Variants in APC observed in about 807,000 individuals in gnomAD.
APC encodes the protein adenomatous polyposis coli protein.
APC carries 72 observed loss-of-function variants against 247.0 expected under a neutral mutation model. That is an observed-to-expected ratio of 0.29 (90% CI 0.24 to 0.35). The LOEUF (loss-of-function observed/expected upper bound fraction) is 0.35, where lower values mean the gene tolerates loss of function less well. Among genes scored for constraint, APC ranks in the 10% least tolerant of loss-of-function variants. APC has a pLI of 1.00. For synonymous variants in APC, 1,254 were observed against 1,162.5 expected (o/e 1.08, Z -1.60); for missense variants, 3,400 against 3,360.7 (o/e 1.01, Z -0.29).
intron 6 of APC, among the ~76,000 whole-genome samples, chr5:112,787,214 A>G (rs920336004): frequency 6.6e-6 from 1 of 152,220 alleles, no homozygotes; most frequent in Non-Finnish European, 1.5e-5. Flanking sequence ...ACAAGAAAGC[A>G]ACCATAGATA....
In APC at chr5:112,842,533, C is replaced by T. The variant is rs1766337609; in HGVS notation, c.6939C>T (p.Ala2313=). The T allele has an allele frequency of 6.2e-7, 1 of 1,614,056 alleles. No homozygotes were observed. The highest frequency in any genetic ancestry group is 8.5e-7 in the Non-Finnish European group (1 of 1,179,976). ...GSRDSTPSRP[A]QQPLSRPIQS... is the part of the protein sequence containing the mutation. ...GAGATTCGACCCCTTCAAGACCTGC[C>T]CAGCAACCATTAAGTAGACCTATAC... The change falls in exon 16 of 16, where the codon GCC becomes GCT. Residue 2313 remains alanine (A), a synonymous_variant. Coordinates refer to ENST00000257430, the MANE Select transcript of APC (RefSeq NM_000038.6).
In APC at chr5:112,775,612, T is replaced by TA. The variant is rs730881230; in HGVS notation, c.423-4dup. 56,082 of 1,091,404 alleles carry TA rather than the reference T, an allele frequency of 0.051. 1 individual carries two copies. The highest frequency in any genetic ancestry group is 0.058 in the Non-Finnish European group (44,900 of 777,662). The allele number at this position is 1,091,404 out of a possible 1,614,324, so 67.6% of individuals were successfully genotyped here. ...AGCATTGTTTAAACGTACCTTTTTT[T>TA]AAAAAAAAAAAAATAGGTCATTGCT... On this transcript the variant is annotated splice_polypyrimidine_tract_variant and intron_variant, in intron 4 of 15. Transcript: ENST00000257430.
At chr5:112,751,493 G>T (rs781085665) in intron 1 of APC, among the ~76,000 whole-genome samples, 4 of 151,916 alleles carry the variant, frequency 2.6e-5, no homozygotes, top group African/African-American at 4.8e-5. Flanking sequence ...CTTTCCATTT[G>T]TTGAAGTCTA....
chr5:112,824,532 C>G (rs914758245), intron 11 of APC, among the ~76,000 whole-genome samples: 9 of 152,158 alleles, frequency 5.9e-5, no homozygotes, highest in Non-Finnish European at 1.2e-4. Flanking sequence ...TTTTCAGTAT[C>G]AAATCCTAAG....
chr5:112,829,109 T>C (rs1764048154), intron 14 of APC, 137 bp downstream of exon 14: 1 of 660,850 alleles, frequency 1.5e-6, no homozygotes, highest in Non-Finnish European at 2.7e-6. Flanking sequence ...CATGTTTAGC[T>C]TTTTTTGCTG....
chr5:112,786,458 TC>T lies in APC; in HGVS notation c.645+5556del, dbSNP rs1398444215. Among the ~76,000 whole-genome samples the T allele has an allele frequency of 6.6e-5, 10 of 152,318 alleles. No homozygotes were observed. The East Asian group carries it at 1.9e-3, about 29-fold the overall frequency. ...TCTTACTTGTTCAGTGTGTATTTGG[TC>T]ACCTAGTATGGTGGTACTTACCCTT... On this transcript the variant is annotated intron_variant, in intron 6 of 15. Coordinates refer to ENST00000257430, the MANE Select transcript of APC (RefSeq NM_000038.6).
intron 5 of APC, among the ~76,000 whole-genome samples, chr5:112,779,098 C>G (rs902402520): frequency 6.6e-6 from 1 of 152,106 alleles, no homozygotes; most frequent in Non-Finnish European, 1.5e-5. Flanking sequence ...AGAAAGGATC[C>G]CTTTTTCTGA....
intron 6 of APC, among the ~76,000 whole-genome samples, chr5:112,787,198 C>T (rs1302598484): frequency 6.6e-6 from 1 of 152,134 alleles, no homozygotes; most frequent in Non-Finnish European, 1.5e-5. Flanking sequence ...TCAACCGTGC[C>T]TTTTAACAAG....
At chr5:112,765,526 T>A (rs1363658988) in intron 2 of APC, among the ~76,000 whole-genome samples, 1 of 152,236 alleles carries the variant, frequency 6.6e-6, no homozygotes, top group Non-Finnish European at 1.5e-5. Flanking sequence ...AGGGGAACGT[T>A]CCATTTAGTT....
intron 5 of APC, among the ~76,000 whole-genome samples, chr5:112,777,046 G>A (rs1369726942): frequency 1.3e-5 from 2 of 151,922 alleles, no homozygotes; most frequent in African/African-American, 4.8e-5. Flanking sequence ...TTCTGATATG[G>A]CTGCTTTAAA....
At chr5:112,751,184 A>G (rs1009989130) in intron 1 of APC, among the ~76,000 whole-genome samples, 2 of 152,084 alleles carry the variant, frequency 1.3e-5, no homozygotes, top group Non-Finnish European at 2.9e-5. Context: ...TCCCCAGATG[A>G]TTAACATCTT....
intron 1 of APC, among the ~76,000 whole-genome samples, chr5:112,717,166 A>G (rs1012200862): frequency 2.6e-5 from 4 of 151,896 alleles, no homozygotes; most frequent in Non-Finnish European, 5.9e-5. Flanking sequence ...ATGTGCCACT[A>G]CGCCTGCCTA....
In APC at chr5:112,839,581, C is replaced by T. The variant is rs2149903524; in HGVS notation, c.3987C>T (p.His1329=). Residue 1329 remains histidine (H), a synonymous_variant, in exon 16 of 16, where the codon CAC becomes CAT. Coordinates refer to ENST00000257430, the MANE Select transcript of APC (RefSeq NM_000038.6). The surrounding 1 kb of genome is among the most constrained non-coding windows in gnomAD (Gnocchi z 5.0). ...GCGAAGTTCCAGCAGTGTCACAGCA[C>T]CCTAGAACCAAATCCAGCAGACTGC... ...PVSEVPAVSQ[H]PRTKSSRLQG... The T allele has an allele frequency of 6.2e-7, 1 of 1,614,124 alleles. No homozygotes were observed. The highest frequency in any genetic ancestry group is 1.1e-5 in the South Asian group (1 of 91,070).
At chr5:112,716,640 G>A (rs556963018) in intron 1 of APC, among the ~76,000 whole-genome samples, 1 of 152,192 alleles carries the variant, frequency 6.6e-6, no homozygotes, top group South Asian at 2.1e-4. Flanking sequence ...AAAAGTGTAT[G>A]TTAAGATGCT....
intron 2 of APC, among the ~76,000 whole-genome samples, chr5:112,759,930 G>A (rs1384594771): frequency 6.6e-6 from 1 of 152,038 alleles, no homozygotes; most frequent in Non-Finnish European, 1.5e-5. Context: ...GCAGTATGCA[G>A]CCCCCAAGAA....
intron 1 of APC, among the ~76,000 whole-genome samples, chr5:112,720,989 G>A (rs999596824): frequency 6.6e-6 from 1 of 152,182 alleles, no homozygotes; most frequent in African/African-American, 2.4e-5. Context: ...GTGTAAAGAT[G>A]AAAGTAACGG....
chr5:112,796,978 G>A (rs767347884), intron 7 of APC, among the ~76,000 whole-genome samples: 2 of 151,714 alleles, frequency 1.3e-5, no homozygotes, highest in African/African-American at 2.4e-5. Flanking sequence ...ATTTAATGCT[G>A]TTCACCTTCA....
intron 2 of APC, 76 bp downstream of exon 2, chr5:112,755,101 C>A: frequency 6.3e-7 from 1 of 1,592,058 alleles, no homozygotes; most frequent in Non-Finnish European, 8.6e-7. Context: ...TGAGGTAAGA[C>A]ACTTTACTTA....
At chr5:112,710,410 A>C (rs1165576414) in intron 1 of APC, among the ~76,000 whole-genome samples, 1 of 152,110 alleles carries the variant, frequency 6.6e-6, no homozygotes, top group African/African-American at 2.4e-5. Context: ...ATATATATAT[A>C]TCTCAGAGGA....
Sources: gnomAD v4.1 joint callset for allele counts (sites outside exome capture counted in the v4.1 genomes callset) on GRCh38, gnomAD v4.1.1 for gene constraint, Gnocchi (gnomAD v3.1) non-coding constraint, MANE v1.5 for transcripts, NCBI Gene and HGNC (gene_info 2026-07-23, HGNC 2026-07-21) for gene names.